BMP2K: variants seen among roughly 807,000 people sequenced by gnomAD.
BMP2K encodes BMP-2-inducible protein kinase.
A neutral mutation model predicts 116.0 loss-of-function variants in BMP2K; 74 were observed. The ratio of observed to expected loss-of-function variants is 0.64; its 90% CI spans 0.53 to 0.77. The LOEUF is 0.77. Ranked by LOEUF, BMP2K falls within the 30% of genes least tolerant of loss-of-function variation. BMP2K has a pLI of 0.00. For missense variants in BMP2K, 1,365 were observed against 1,403.6 expected (o/e 0.97, Z 0.44); for synonymous variants, 486 against 502.5 (o/e 0.97, Z 0.44).
At chr4:78,852,456 T>A (rs1216576483) in intron 7 of BMP2K, among the ~76,000 whole-genome samples, 2 of 152,170 alleles carry the variant, frequency 1.3e-5, no homozygotes, top group African/African-American at 4.8e-5. Context: ...TCCTAGTATT[T>A]TACCTCCTGT....
Position 78,850,429 on chromosome 4 carries a change from A to G in BMP2K, c.751-495A>G, listed in dbSNP as rs182446809. Among the ~76,000 whole-genome samples the G allele has an allele frequency of 4.1e-4, 63 of 152,030 alleles. 1 individual carries two copies. The Middle Eastern group carries it at 0.01, about 25-fold the overall frequency. On this transcript the variant is annotated intron_variant, in intron 6 of 15. Coordinates refer to ENST00000502613, the MANE Select transcript of BMP2K (RefSeq NM_198892.2). The stretch of plus-strand genomic sequence containing the variant: ...TCTAGAAACACAGAACTTAATTTTT[A>G]TAGTGTAAAATAATGAGGTGTACCT...
At chr4:78,818,337 A>T (rs188142469) in intron 1 of BMP2K, among the ~76,000 whole-genome samples, 58 of 152,304 alleles carry the variant, frequency 3.8e-4, no homozygotes, top group African/African-American at 1.3e-3. Context: ...AGGAATCGCC[A>T]CACTGTCTTC....
intron 1 of BMP2K, among the ~76,000 whole-genome samples, chr4:78,777,490 G>A (rs1478763738): frequency 1.3e-5 from 2 of 152,164 alleles, no homozygotes; most frequent in Non-Finnish European, 2.9e-5. Context: ...TACAAAAAAA[G>A]TTTACTCCAT....
At chr4:78,864,563 T>A (rs533705487) in intron 9 of BMP2K, among the ~76,000 whole-genome samples, 65 of 152,134 alleles carry the variant, frequency 4.3e-4, no homozygotes, top group Non-Finnish European at 8.1e-4. Context: ...GTCACGTTTT[T>A]TTTTTTGGTA....
At chr4:78,792,019 G>A (rs534609701) in intron 1 of BMP2K, among the ~76,000 whole-genome samples, 28 of 152,194 alleles carry the variant, frequency 1.8e-4, no homozygotes, top group African/African-American at 5.5e-4. Flanking sequence ...AGGAATTGCC[G>A]CACTGTTGTT....
chr4:78,881,445 A>G lies in BMP2K; in HGVS notation c.1951+2554A>G, dbSNP rs114016473. On this transcript the variant is annotated intron_variant, in intron 14 of 15. Transcript: ENST00000502613. ...AATTGATACTCATTGTTCAGTGACT[A>G]TTTTGGGGTCATTGAACCCACTCTT... 4.5e-3 allele frequency among the ~76,000 whole-genome samples: 681 copies of G among 152,194 alleles called. 2 individuals are homozygous for G. Among genetic ancestry groups the G allele is most frequent in the African/African-American group, 0.016 (644 of 41,542 alleles).
At chr4:78,811,896 C>G (rs1729110054) in intron 1 of BMP2K, among the ~76,000 whole-genome samples, 1 of 152,156 alleles carries the variant, frequency 6.6e-6, no homozygotes, top group Admixed American at 6.5e-5. Flanking sequence ...TTAGGGATTA[C>G]TTATAACTGT....
chr4:78,776,586 G>A lies in BMP2K; in HGVS notation c.43G>A (p.Gly15Ser), dbSNP rs1727249160. Residue 15 changes from glycine (G) to serine (S), a missense_variant, in exon 1 of 16, where the codon GGC becomes AGC. Physicochemically the swap from Gly to Ser is moderately conservative, Grantham distance 56. This residue lies in a region of BMP2K where 762 missense variants were observed against 756.7 expected (regional missense o/e 1.01). Coordinates refer to ENST00000502613, the MANE Select transcript of BMP2K (RefSeq NM_198892.2). ...SRMPKSEGGS[G>S]GGAAGGGAGG... The stretch of plus-strand genomic sequence containing the variant: ...GATGCCCAAGTCGGAGGGCGGCAGC[G>A]GCGGCGGAGCGGCGGGTGGCGGGGC... 8.6e-7 allele frequency: 1 copy of A among 1,168,150 alleles called. No individual in the cohort carries two copies. Among genetic ancestry groups the A allele is most frequent in the South Asian group, 4.2e-5 (1 of 23,742 alleles). 72.4% of individuals were successfully genotyped at this position (1,168,150 alleles called of 1,614,324 possible).
intron 1 of BMP2K, among the ~76,000 whole-genome samples, chr4:78,780,830 A>G (rs770545126): frequency 1.1e-4 from 16 of 152,340 alleles, no homozygotes; most frequent in Non-Finnish European, 1.5e-4. Context: ...CCAAGTTACT[A>G]TAGTTAAAAT....
chr4:78,880,229 C>T (rs753580429), intron 14 of BMP2K, among the ~76,000 whole-genome samples: 78 of 152,258 alleles, frequency 5.1e-4, no homozygotes, highest in Admixed American at 8.5e-4. Flanking sequence ...TGTGCCACCA[C>T]GCCCAGCGAA....
At chr4:78,826,257 A>G in intron 2 of BMP2K, 102 bp downstream of exon 2, 1 of 858,234 alleles carries the variant, frequency 1.2e-6, no homozygotes, top group South Asian at 1.6e-5. Context: ...GCTGGAGCGC[A>G]GTGGCGTGAT....
chr4:78,845,190 T>C (rs1442774134), intron 5 of BMP2K, 141 bp downstream of exon 5: 1 of 779,368 alleles, frequency 1.3e-6, no homozygotes, highest in Non-Finnish European at 2.0e-6. Context: ...TGTTGATTAA[T>C]TCATGTCTGA....
intron 3 of BMP2K, among the ~76,000 whole-genome samples, chr4:78,838,268 C>T (rs1190058735): frequency 1.3e-5 from 2 of 152,182 alleles, no homozygotes; most frequent in African/African-American, 2.4e-5. Flanking sequence ...AGCTACCTCC[C>T]GATGGGTCCG....
rs532838072 is a variant in BMP2K at position 78,877,301 on chromosome 4, A to G, written c.1794-1433A>G. 2.5e-3 allele frequency among the ~76,000 whole-genome samples: 379 copies of G among 152,326 alleles called. 2 individuals carry two copies. The highest frequency in any genetic ancestry group is 3.4e-3 in the Non-Finnish European group (232 of 68,028). ...TTTACTTTATAAACTTTGAAAATTT[A>G]AAAACATTTTGACTCTTTGGTTATA... On this transcript the variant is annotated intron_variant, in intron 13 of 15. Transcript: ENST00000502613.
At chr4:78,845,502 C>T (rs1400951502) in intron 5 of BMP2K, among the ~76,000 whole-genome samples, 2 of 151,570 alleles carry the variant, frequency 1.3e-5, no homozygotes, top group Non-Finnish European at 3.0e-5. Flanking sequence ...AAGACTGCAT[C>T]ATCACTGTTA....
At chr4:78,795,300 G>A (rs1374246145) in intron 1 of BMP2K, among the ~76,000 whole-genome samples, 1 of 152,192 alleles carries the variant, frequency 6.6e-6, no homozygotes, top group African/African-American at 2.4e-5. Flanking sequence ...AAATGAACAT[G>A]AGAAGAGCTC....
chr4:78,776,377 G>A lies in BMP2K; in HGVS notation c.-167G>A. 1 of 616,972 alleles carries A rather than the reference G, an allele frequency of 1.6e-6. No individual in the cohort carries two copies. The highest frequency in any genetic ancestry group is 2.1e-6 in the Non-Finnish European group (1 of 474,934). 38.2% of individuals were successfully genotyped at this position (616,972 alleles called of 1,614,324 possible). ...CTGCAGCGGAGCCGCGGAGCGGGCGGCGGGGCCCAGGCTGTGCGCTTGGGG... is the reference window on the plus strand; with the variant it reads ...CTGCAGCGGAGCCGCGGAGCGGGCGACGGGGCCCAGGCTGTGCGCTTGGGG... On this transcript the variant is annotated 5_prime_UTR_variant, in exon 1 of 16. Transcript: ENST00000502613.
At chr4:78,778,411 A>G (rs1028013037) in intron 1 of BMP2K, among the ~76,000 whole-genome samples, 2 of 152,244 alleles carry the variant, frequency 1.3e-5, no homozygotes, top group African/African-American at 4.8e-5. Context: ...TCAAGCGCTA[A>G]TGTCACTGTT....
intron 15 of BMP2K, among the ~76,000 whole-genome samples, chr4:78,888,945 G>A (rs1052835314): frequency 2.6e-5 from 4 of 152,168 alleles, no homozygotes; most frequent in African/African-American, 9.7e-5. Flanking sequence ...TAATGGGCCG[G>A]GCGCGGTGGC....
Sources: allele counts gnomAD v4.1 joint callset (sites outside exome capture counted in the v4.1 genomes callset), GRCh38; gene constraint gnomAD v4.1.1; regional missense constraint gnomAD v4.1.1; transcripts MANE v1.5; gene names NCBI Gene and HGNC (gene_info 2026-07-23, HGNC 2026-07-21).